MAGI1: variants seen among roughly 807,000 people sequenced by gnomAD.
The protein encoded by MAGI1 is membrane associated guanylate kinase, WW and PDZ domain containing 1, also known as membrane-associated guanylate kinase, WW and PDZ domain-containing protein 1.
A neutral mutation model predicts 139.9 loss-of-function variants in MAGI1; 58 were observed. That is an observed-to-expected ratio of 0.41 (90% CI 0.34 to 0.52). The LOEUF is 0.52. MAGI1 is among the 20% of genes least tolerant of loss of function. The pLI is 0.12. For missense variants in MAGI1, 1,874 were observed against 1,901.6 expected (o/e 0.99, Z 0.27); for synonymous variants, 812 against 737.9 (o/e 1.10, Z -1.63).
intron 1 of MAGI1, among the ~76,000 whole-genome samples, chr3:65,823,109 T>A (rs1030497382): frequency 6.6e-6 from 1 of 152,250 alleles, no homozygotes; most frequent in Non-Finnish European, 1.5e-5. Flanking sequence ...ACTTTAACTG[T>A]TTTAATCACA....
intron 1 of MAGI1, among the ~76,000 whole-genome samples, chr3:65,839,443 G>C (rs1447996149): frequency 6.6e-6 from 1 of 151,604 alleles, no homozygotes; most frequent in Non-Finnish European, 1.5e-5. Flanking sequence ...GCCTCAAGCA[G>C]GTCCTTCAGG....
intron 1 of MAGI1, among the ~76,000 whole-genome samples, chr3:65,646,200 G>A (rs1417440035): frequency 6.6e-6 from 1 of 151,288 alleles, no homozygotes; most frequent in Non-Finnish European, 1.5e-5. Flanking sequence ...GAAAGTGAAA[G>A]GATAGAAAAA....
At chr3:65,684,046 C>T (rs7649612) in intron 1 of MAGI1, among the ~76,000 whole-genome samples, 1 of 148,056 alleles carries the variant, frequency 6.8e-6, no homozygotes, top group East Asian at 2.0e-4. Flanking sequence ...GGATGGCATA[C>T]AGCTATAGTC....
intron 1 of MAGI1, among the ~76,000 whole-genome samples, chr3:65,665,731 T>A (rs2086472855): frequency 6.6e-6 from 1 of 152,140 alleles, no homozygotes; most frequent in African/African-American, 2.4e-5. Context: ...TGGATCACTC[T>A]TGGAACATTT....
intron 1 of MAGI1, among the ~76,000 whole-genome samples, chr3:65,762,729 C>G: frequency 7.1e-6 from 1 of 140,296 alleles, no homozygotes; most frequent in East Asian, 2.1e-4. Context: ...AATTCTTACA[C>G]CACCCACTGA....
chr3:65,609,378 A>G (rs556472682), intron 2 of MAGI1, among the ~76,000 whole-genome samples: 2 of 151,880 alleles, frequency 1.3e-5, no homozygotes, highest in Non-Finnish European at 2.9e-5. Flanking sequence ...CCCAGGTTCA[A>G]GCAGTTCTCC....
At chr3:65,696,685 T>C (rs938152864) in intron 1 of MAGI1, among the ~76,000 whole-genome samples, 3 of 151,892 alleles carry the variant, frequency 2.0e-5, no homozygotes, top group African/African-American at 7.3e-5. Flanking sequence ...TACAATAAAA[T>C]AAAATAAAAT....
At chr3:65,665,379 A>G (rs1011605063) in intron 1 of MAGI1, among the ~76,000 whole-genome samples, 7 of 152,210 alleles carry the variant, frequency 4.6e-5, no homozygotes, top group Admixed American at 4.6e-4. Flanking sequence ...AAGATGGAAA[A>G]CAGGCTAAAT....
intron 2 of MAGI1, among the ~76,000 whole-genome samples, chr3:65,572,189 G>GAA (rs2080991319): frequency 6.6e-6 from 1 of 152,032 alleles, no homozygotes; most frequent in South Asian, 2.1e-4. Flanking sequence ...AATACTTTAA[G>GAA]AATAATATCT....
intron 1 of MAGI1, among the ~76,000 whole-genome samples, chr3:66,024,533 G>A (rs1050728489): frequency 2.0e-5 from 3 of 152,042 alleles, no homozygotes; most frequent in Non-Finnish European, 4.4e-5. Context: ...CCAGCCGGGC[G>A]CGGTGGCTCA....
chr3:65,926,368 T>TCTCTCTCTCTCC (rs980352774), intron 1 of MAGI1, among the ~76,000 whole-genome samples: 1 of 147,546 alleles, frequency 6.8e-6, no homozygotes, highest in Non-Finnish European at 1.5e-5. Context: ...TCTCTCTCTC[T>TCTCTCTCTCTCC]CCCTCTTTCC....
At chr3:65,551,179 C>T (rs1242049477) in intron 2 of MAGI1, among the ~76,000 whole-genome samples, 1 of 152,196 alleles carries the variant, frequency 6.6e-6, no homozygotes, top group East Asian at 1.9e-4. Context: ...GCTCTTCTCC[C>T]TTCGCTTGCT....
At chr3:65,638,119 G>A (rs2084750588) in intron 1 of MAGI1, among the ~76,000 whole-genome samples, 1 of 152,136 alleles carries the variant, frequency 6.6e-6, no homozygotes. Flanking sequence ...GCCTCTGTGT[G>A]TTCTTGGGCA....
chr3:65,727,726 T>C (rs17073577), intron 1 of MAGI1, among the ~76,000 whole-genome samples: 34,407 of 152,118 alleles, frequency 0.23, 4,853 homozygotes, highest in African/African-American at 0.39. Context: ...ACTATGAGTG[T>C]CTCCTATATG....
In MAGI1 at chr3:65,579,831, G is replaced by C. The variant is rs926106046; in HGVS notation, c.430+42141C>G. On this transcript the variant is annotated intron_variant, in intron 2 of 22. Coordinates refer to ENST00000402939, the MANE Select transcript of MAGI1 (RefSeq NM_001033057.2). Reference sequence around the variant, plus strand: ...CACTGCACTCTGGCCTGGGGAACAAGAGCGAAACTCCATCTCAAAAAAAAA... The same window carrying C: ...CACTGCACTCTGGCCTGGGGAACAACAGCGAAACTCCATCTCAAAAAAAAA... 2.2e-5 allele frequency among the ~76,000 whole-genome samples: 3 copies of C among 136,542 alleles called. No individual in the cohort carries two copies. In the South Asian group the frequency reaches 7.4e-4, roughly 34 times the overall value. The allele number at this position is 136,542 out of a possible 152,430, so 89.6% of individuals were successfully genotyped here.
chr3:66,014,819 TC>T (rs1275078466), intron 1 of MAGI1, among the ~76,000 whole-genome samples: 1 of 152,168 alleles, frequency 6.6e-6, no homozygotes, highest in East Asian at 1.9e-4. Context: ...ACACTCTGGG[TC>T]CATGGTACAC....
At chr3:65,660,634 T>C (rs1418392804) in intron 1 of MAGI1, among the ~76,000 whole-genome samples, 2 of 152,224 alleles carry the variant, frequency 1.3e-5, no homozygotes, top group Non-Finnish European at 2.9e-5. Flanking sequence ...CCAATATTTG[T>C]TCTTAACATA....
intron 1 of MAGI1, among the ~76,000 whole-genome samples, chr3:65,823,435 A>T (rs2042054121): frequency 6.6e-6 from 1 of 152,188 alleles, no homozygotes; most frequent in East Asian, 1.9e-4. Flanking sequence ...GAGCTCAATA[A>T]ATATTTGTTA....
At chr3:66,036,706 G>A (rs1023839044) in intron 1 of MAGI1, among the ~76,000 whole-genome samples, 1 of 152,206 alleles carries the variant, frequency 6.6e-6, no homozygotes, top group Non-Finnish European at 1.5e-5. Flanking sequence ...GCTAGGCCCA[G>A]CCCTTCCTTT....
Sources: gnomAD v4.1 joint callset for allele counts (sites outside exome capture counted in the v4.1 genomes callset) on GRCh38, gnomAD v4.1.1 for gene constraint, MANE v1.5 for transcripts, NCBI Gene and HGNC (gene_info 2026-07-23, HGNC 2026-07-21) for gene names.